Variants in CDH11 observed in about 807,000 individuals in gnomAD.
The protein encoded by CDH11 is cadherin 11.
CDH11 carries 11 observed loss-of-function variants against 67.8 expected under a neutral mutation model. The observed-to-expected ratio is 0.16, with a 90% CI of 0.10 to 0.27. The LOEUF (loss-of-function observed/expected upper bound fraction) is 0.27, where lower values mean the gene tolerates loss of function less well. CDH11 is among the 10% of genes least tolerant of loss of function. The pLI, the probability that CDH11 is intolerant of heterozygous loss-of-function variation, is 1.00. For missense variants in CDH11, 847 were observed against 1,031.2 expected (o/e 0.82, Z 2.45); for synonymous variants, 419 against 400.0 (o/e 1.05, Z -0.57).
At chr16:64,985,737 G>C (rs1049899475) in intron 7 of CDH11, 3 of 148,442 alleles carry the variant, frequency 2.0e-5, no homozygotes, top group African/African-American at 7.5e-5. Context: ...GGTAGAGCAC[G>C]TGCTTAATGA....
chr16:65,019,980 C>T (rs2073390375), intron 2 of CDH11, among the ~76,000 whole-genome samples: 2 of 152,004 alleles, frequency 1.3e-5, no homozygotes, highest in Non-Finnish European at 2.9e-5. Context: ...GCATGTAAAA[C>T]TCTTCCTTCA....
At chr16:65,040,914 A>G (rs531203161) in intron 2 of CDH11, among the ~76,000 whole-genome samples, 2 of 152,300 alleles carry the variant, frequency 1.3e-5, no homozygotes, top group Admixed American at 6.5e-5. Flanking sequence ...GGTATGTTGT[A>G]AAGTTGTGCA....
intron 1 of CDH11, among the ~76,000 whole-genome samples, chr16:65,108,939 G>C (rs1350064810): frequency 6.6e-6 from 1 of 152,148 alleles, no homozygotes; most frequent in Non-Finnish European, 1.5e-5. Flanking sequence ...TTGAGGTCAA[G>C]AGTTCGAGAC....
In CDH11 at chr16:65,004,775, C is replaced by T. The variant is rs757142171; in HGVS notation, c.95G>A (p.Arg32Gln). 17 of 1,591,554 alleles carry T rather than the reference C, an allele frequency of 1.1e-5. No individual in the cohort carries two copies. The highest frequency in any genetic ancestry group is 2.7e-5 in the African/African-American group (2 of 74,248). Residue 32 changes from arginine (R) to glutamine (Q), a missense_variant, in exon 3 of 13, where the codon CGG (arginine) becomes CAG (glutamine). Around this residue, in one of 2 missense-constraint regions of CDH11, gnomAD observed 235 missense variants for 352.5 expected, o/e 0.67. Transcript: ENST00000268603. ...AFAPERRGHL[R>Q]PSFHGHHEKG... ...CTCATGGTGCCCATGGAAGGAGGGC[C>T]GCAGGTGCCCCCGCCGCTCTGGGGC...
At chr16:65,043,164 C>G (rs1251702420) in intron 2 of CDH11, among the ~76,000 whole-genome samples, 1 of 152,224 alleles carries the variant, frequency 6.6e-6, no homozygotes, top group African/African-American at 2.4e-5. Flanking sequence ...ACCACAGTAT[C>G]TTGGTACCTA....
At chr16:65,001,259 T>C (rs1169642577) in intron 3 of CDH11, among the ~76,000 whole-genome samples, 2 of 152,220 alleles carry the variant, frequency 1.3e-5, no homozygotes, top group Non-Finnish European at 2.9e-5. Flanking sequence ...CATAACAATG[T>C]GTTGTCGTGA....
intron 2 of CDH11, among the ~76,000 whole-genome samples, chr16:65,025,577 G>A (rs2073517330): frequency 6.6e-6 from 1 of 152,140 alleles, no homozygotes; most frequent in African/African-American, 2.4e-5. Context: ...TCCTGATCTT[G>A]TGATCTACCC....
intron 2 of CDH11, among the ~76,000 whole-genome samples, chr16:65,024,990 G>A (rs1291464282): frequency 6.6e-6 from 1 of 152,198 alleles, no homozygotes; most frequent in African/African-American, 2.4e-5. Context: ...ATGAAACCAT[G>A]TCTGATATCT....
chr16:64,989,486 C>T (rs1301753385), intron 6 of CDH11, among the ~76,000 whole-genome samples: 2 of 152,112 alleles, frequency 1.3e-5, no homozygotes, highest in East Asian at 1.9e-4. Context: ...AAGACAATGA[C>T]GTGCATATCT....
chr16:65,030,915 G>A (rs1018766066), intron 2 of CDH11, among the ~76,000 whole-genome samples: 2 of 152,108 alleles, frequency 1.3e-5, no homozygotes, highest in East Asian at 1.9e-4. Flanking sequence ...ACTCAAGGAA[G>A]GATCTTTCAT....
chr16:65,122,183 G>C, upstream of CDH11: 1 of 551,480 alleles, frequency 1.8e-6, no homozygotes, highest in Admixed American at 3.5e-5. Flanking sequence ...GAAGGAAAGG[G>C]CGGGGGCTGA....
At chr16:64,993,123 T>C (rs1326922733) in intron 4 of CDH11, 89 bp from the exon 5 acceptor site, 8 of 1,094,078 alleles carry the variant, frequency 7.3e-6, no homozygotes, top group African/African-American at 3.1e-5. Context: ...AAATTAACCC[T>C]GAAGAAGGCA....
At chr16:64,969,435 T>C (rs2071939739) in intron 11 of CDH11, among the ~76,000 whole-genome samples, 1 of 152,144 alleles carries the variant, frequency 6.6e-6, no homozygotes, top group Admixed American at 6.6e-5. Flanking sequence ...AGATAGAAGA[T>C]TGACCACAAA....
At chr16:64,957,201 T>C (rs973029983) in intron 11 of CDH11, among the ~76,000 whole-genome samples, 29 of 152,084 alleles carry the variant, frequency 1.9e-4, no homozygotes, top group African/African-American at 6.0e-4. Context: ...ATCCTTTTCC[T>C]CTGTCCATCT....
At chr16:65,044,377 T>C (rs537151016) in intron 2 of CDH11, among the ~76,000 whole-genome samples, 1 of 152,324 alleles carries the variant, frequency 6.6e-6, no homozygotes, top group African/African-American at 2.4e-5. Context: ...TTTTATTTTC[T>C]TTTAAAATCA....
intron 2 of CDH11, among the ~76,000 whole-genome samples, chr16:65,024,694 G>A (rs1418849729): frequency 6.6e-6 from 1 of 152,126 alleles, no homozygotes; most frequent in East Asian, 1.9e-4. Context: ...AATGAATGAC[G>A]GTGTGCAAAG....
Position 64,950,857 on chromosome 16 carries a change from G to A in CDH11, c.1804C>T (p.Leu602Phe), listed in dbSNP as rs543703246. The A allele has an allele frequency of 1.2e-5, 20 of 1,614,210 alleles. No homozygotes were observed. In the African/African-American group the frequency reaches 2.7e-4, roughly 22 times the overall value. The change falls in exon 12 of 13, where the codon CTC (leucine) becomes TTC (phenylalanine). Residue 602 changes from leucine to phenylalanine, a missense_variant. Physicochemically the swap from Leu to Phe is conservative, Grantham distance 22. Transcript: ENST00000268603. ...VCGCDVNGAL[L>F]SCNAEAYILN... ...ATGTAGGCCTCTGCGTTGCAGGAGA[G>A]CAGTGCCCCGTTCACGTCGCACCCG...
At chr16:65,080,468 A>G (rs75433166) in intron 1 of CDH11, among the ~76,000 whole-genome samples, 6,368 of 152,278 alleles carry the variant, frequency 0.042, 172 homozygotes, top group Non-Finnish European at 0.056. Context: ...GATTTTTTAA[A>G]TGCTCATTAT....
chr16:65,017,809 C>G (rs55942392), intron 2 of CDH11, among the ~76,000 whole-genome samples: 1,973 of 152,170 alleles, frequency 0.013, 41 homozygotes, highest in African/African-American at 0.045. Context: ...AATAAGCAGT[C>G]AATCTAAATT....
Sources: allele counts gnomAD v4.1 joint callset (sites outside exome capture counted in the v4.1 genomes callset), GRCh38; gene constraint gnomAD v4.1.1; regional missense constraint gnomAD v4.1.1; transcripts MANE v1.5; gene names NCBI Gene and HGNC (gene_info 2026-07-23, HGNC 2026-07-21).